CHDH: variants seen among roughly 807,000 people sequenced by gnomAD.
The protein encoded by CHDH is choline dehydrogenase.
In CHDH, 43 loss-of-function variants were observed where a neutral mutation model predicts 56.9. The observed-to-expected ratio is 0.76, with a 90% CI of 0.59 to 0.97. CHDH has a LOEUF of 0.97. Among genes scored for constraint, CHDH ranks in the 50% least tolerant of loss-of-function variants. The probability of loss-of-function intolerance (pLI) is 0.00; values close to 1 mark genes in which losing one functional copy is unlikely to be tolerated. For missense variants in CHDH, 816 were observed against 821.1 expected (o/e 0.99, Z 0.08); for synonymous variants, 364 against 348.5 (o/e 1.04, Z -0.50).
rs1397667499 is a variant in CHDH, at chr3:53,823,367, G to C, written c.642C>G (p.Thr214=). The change falls in exon 3 of 9, where the codon ACC becomes ACG. Residue 214 remains threonine, a synonymous_variant. Transcript: ENST00000315251. ...CCTGCTGGAAGCCATTCATGTCCTC[G>C]GTGAGCGGGTAGCCGGCCTGCTGCG... ...EATQQAGYPL[T]EDMNGFQQEG... The C allele has an allele frequency of 3.7e-6, 6 of 1,604,858 alleles. No individual in the cohort carries two copies. Among genetic ancestry groups the C allele is most frequent in the Non-Finnish European group, 5.1e-6 (6 of 1,175,106 alleles).
chr3:53,828,788 A>T (rs1210189755), intron 2 of CHDH, among the ~76,000 whole-genome samples: 1 of 152,222 alleles, frequency 6.6e-6, no homozygotes, highest in Admixed American at 6.5e-5. Context: ...ACTTTCATTC[A>T]TAGCTGGTGG....
intron 5 of CHDH, among the ~76,000 whole-genome samples, chr3:53,820,969 C>CA (rs1357180834): frequency 6.6e-6 from 1 of 152,262 alleles, no homozygotes; most frequent in African/African-American, 2.4e-5. Context: ...GAGGGGCAGA[C>CA]AGCAGCCCCA....
intron 2 of CHDH, among the ~76,000 whole-genome samples, chr3:53,824,946 G>C (rs1178399778): frequency 6.6e-6 from 1 of 152,198 alleles, no homozygotes; most frequent in Non-Finnish European, 1.5e-5. Context: ...CCTGCACCAA[G>C]TAACAGCAGC....
At chr3:53,842,528 C>A (rs1282245496) in intron 1 of CHDH, among the ~76,000 whole-genome samples, 4 of 152,148 alleles carry the variant, frequency 2.6e-5, no homozygotes, top group Non-Finnish European at 4.4e-5. Context: ...AGTGTGATAA[C>A]AACAATGTAA....
intron 3 of CHDH, among the ~76,000 whole-genome samples, 164 bp from the exon 4 acceptor site, chr3:53,822,806 C>G (rs570184585): frequency 4.6e-5 from 7 of 152,214 alleles, no homozygotes; most frequent in Non-Finnish European, 1.0e-4. Flanking sequence ...CCCTGCCCTA[C>G]TGAGTCCACA....
At chr3:53,832,400 T>C (rs1293258620) in intron 2 of CHDH, among the ~76,000 whole-genome samples, 1 of 152,038 alleles carries the variant, frequency 6.6e-6, no homozygotes, top group Non-Finnish European at 1.5e-5. Context: ...GGCATGGTGG[T>C]GGGTGCCTAT....
Position 53,819,426 on chromosome 3 carries a change from G to A in CHDH, c.1263+106C>T, listed in dbSNP as rs990621886. ...GACAGGCCTCTGTGTCCCCCACTCT[G>A]CAGCCATATGGCACCAGGGAGAATG... On this transcript the variant is annotated intron_variant, in intron 7 of 8. Coordinates refer to ENST00000315251, the MANE Select transcript of CHDH (RefSeq NM_018397.5). The surrounding 1 kb of genome is among the most constrained non-coding windows in gnomAD (Gnocchi z 5.4). The A allele has an allele frequency of 4.9e-6, 7 of 1,441,206 alleles. No homozygotes were observed. In the South Asian group the frequency reaches 6.8e-5, roughly 14 times the overall value. 89.3% of individuals were successfully genotyped at this position (1,441,206 alleles called of 1,614,324 possible). A position where few individuals can be genotyped will look rare whatever the true frequency, so the allele number is the denominator to read the frequency against.
rs1259905382 is a variant in CHDH at position 53,823,757 on chromosome 3, G to C, written c.252C>G (p.Leu84=). Residue 84 remains leucine, a synonymous_variant, in exon 3 of 9, where the codon CTC becomes CTG. Coordinates refer to ENST00000315251, the MANE Select transcript of CHDH (RefSeq NM_018397.5). ...PKDVLAGSKR[L]SWKIHMPAAL... The stretch of plus-strand genomic sequence containing the variant: ...CCGCGGGCATGTGGATCTTCCACGA[G>C]AGCCGCTTGCTCCCCGCGAGCACGT... 1.1e-5 allele frequency: 17 copies of C among 1,559,698 alleles called. No homozygotes were observed. The highest frequency in any genetic ancestry group is 3.5e-6 in the Non-Finnish European group (4 of 1,153,526).
chr3:53,829,159 A>C (rs115081923), intron 2 of CHDH, among the ~76,000 whole-genome samples: 2,237 of 152,314 alleles, frequency 0.015, 64 homozygotes, highest in African/African-American at 0.05. Flanking sequence ...AAAGGCTACA[A>C]ACCGTATGAG....
rs567766879 is a variant in CHDH at position 53,820,516 on chromosome 3, G to A, written c.1078C>T (p.Arg360Trp). Residue 360 changes from arginine (R) to tryptophan (W), a missense_variant, in exon 6 of 9, where the codon CGG (arginine) becomes TGG (tryptophan). Transcript: ENST00000315251. ...ITLHSAQKPLRKVCIGLEWLW... is the reference protein window; with the variant it reads ...ITLHSAQKPLWKVCIGLEWLW... ...CACTCCAGACCAATGCAGACCTTCC[G>A]CAGGGGCTTCTGTGCTGAATGGAGG... is the stretch of plus-strand genomic sequence containing the variant. 122 of 1,613,984 alleles carry A rather than the reference G, an allele frequency of 7.6e-5. No individual in the cohort carries two copies. The highest frequency in any genetic ancestry group is 4.5e-4 in the East Asian group (20 of 44,874).
At chr3:53,844,280 C>T (rs1477661105) in intron 1 of CHDH, among the ~76,000 whole-genome samples, 1 of 152,222 alleles carries the variant, frequency 6.6e-6, no homozygotes, top group Non-Finnish European at 1.5e-5. Context: ...CCAGACCACC[C>T]TCACCTGACA....
chr3:53,829,617 T>G (rs1298472172), intron 2 of CHDH, among the ~76,000 whole-genome samples: 1 of 152,212 alleles, frequency 6.6e-6, no homozygotes, highest in Non-Finnish European at 1.5e-5. Flanking sequence ...TACCGATAGC[T>G]TTCAAGCTCC....
At chr3:53,821,563 C>G in intron 5 of CHDH, 84 bp downstream of exon 5, 1 of 1,231,464 alleles carries the variant, frequency 8.1e-7, no homozygotes, top group Non-Finnish European at 1.2e-6. Flanking sequence ...CACCACCTCC[C>G]CACTTCATGC....
At position 53,814,679 on chromosome 3, in the gene CHDH, T is replaced by TG. The variant is rs1367920456; in HGVS notation, c.*3097dup. 1 of 152,134 alleles carries TG rather than the reference T, an allele frequency of 6.6e-6. No homozygotes were observed. The highest frequency in any genetic ancestry group is 1.5e-5 in the Non-Finnish European group (1 of 68,018). 9.4% of individuals were successfully genotyped at this position (152,134 alleles called of 1,614,324 possible). A position where few individuals can be genotyped will look rare whatever the true frequency, so the allele number is the denominator to read the frequency against. ...AATCTGTTTTTTTGTTGTTTTTTTT[T>TG]GAGACAGTCTCACTCTGTCACCCAG... is the stretch of plus-strand genomic sequence containing the variant. On this transcript the variant is annotated 3_prime_UTR_variant, in exon 9 of 9. Coordinates refer to ENST00000315251, the MANE Select transcript of CHDH (RefSeq NM_018397.5).
Position 53,823,594 on chromosome 3 carries a change from AGACCATGGCATTGAGGGATGAGG to A in CHDH, c.392_414del (p.Ser131LeufsTer96). 1 of 1,543,880 alleles carries A rather than the reference AGACCATGGCATTGAGGGATGAGG, an allele frequency of 6.5e-7. No homozygotes were observed. Among genetic ancestry groups the A allele is most frequent in the Non-Finnish European group, 8.7e-7 (1 of 1,146,304 alleles). Reference sequence around the variant, plus strand: ...TAGTCCTCGGCGTGCCCACGGACGTAGACCATGGCATTGAGGGATGAGGAGCCACCCCAGACGCGGCCGCGTGG... The same window carrying A: ...TAGTCCTCGGCGTGCCCACGGACGTAAGCCACCCCAGACGCGGCCGCGTGG... On this transcript the variant is annotated frameshift_variant, in exon 3 of 9. Coordinates refer to ENST00000315251, the MANE Select transcript of CHDH (RefSeq NM_018397.5). LOFTEE classifies it high-confidence loss of function.
chr3:53,841,575 C>G (rs1009161801), intron 1 of CHDH, among the ~76,000 whole-genome samples: 7 of 152,232 alleles, frequency 4.6e-5, no homozygotes, highest in Non-Finnish European at 8.8e-5. Context: ...CCAATTTTCA[C>G]ACACATGCCC....
intron 3 of CHDH, among the ~76,000 whole-genome samples, chr3:53,823,072 CAG>C (rs918797708): frequency 1.3e-5 from 2 of 152,154 alleles, no homozygotes; most frequent in African/African-American, 4.8e-5. Context: ...TCCACACCAA[CAG>C]GGGCCAGAGG....
chr3:53,818,961 A>T lies in CHDH; in HGVS notation c.1343T>A (p.Ile448Asn), dbSNP rs1559747076. ...RSANPQDHPV[I>N]QPNYLSTETD... ...ACCTGTTGACAAGTAGTTGGGCTGG[A>T]TCACAGGGTGGTCTTGGGGATTGGC... is the stretch of plus-strand genomic sequence containing the variant. The change falls in exon 8 of 9, where the codon ATC becomes AAC. Residue 448 changes from isoleucine (I) to asparagine (N), a missense_variant. Coordinates refer to ENST00000315251, the MANE Select transcript of CHDH (RefSeq NM_018397.5). 1 of 1,613,458 alleles carries T rather than the reference A, an allele frequency of 6.2e-7. No homozygotes were observed. The highest frequency in any genetic ancestry group is 8.5e-7 in the Non-Finnish European group (1 of 1,179,366).
chr3:53,827,141 C>T (rs553925581), intron 2 of CHDH, among the ~76,000 whole-genome samples: 40 of 152,204 alleles, frequency 2.6e-4, no homozygotes, highest in African/African-American at 8.0e-4. Flanking sequence ...TGCCTCCACC[C>T]AAATCTCTTG....
Sources: allele counts gnomAD v4.1 joint callset (sites outside exome capture counted in the v4.1 genomes callset), GRCh38; gene constraint gnomAD v4.1.1; non-coding constraint Gnocchi (gnomAD v3.1); transcripts MANE v1.5; gene names NCBI Gene and HGNC (gene_info 2026-07-23, HGNC 2026-07-21).